SPTBN4: variants seen among roughly 807,000 people sequenced by gnomAD.
SPTBN4 encodes the protein spectrin beta, non-erythrocytic 4, also known as spectrin beta chain, non-erythrocytic 4.
Under a neutral mutation model 277.8 loss-of-function variants are expected in SPTBN4, and 96 were observed. The observed-to-expected ratio is 0.35, with a 90% CI of 0.29 to 0.41. The LOEUF is 0.41. Ranked by LOEUF, SPTBN4 falls within the 10% of genes least tolerant of loss-of-function variation. SPTBN4 has a pLI of 1.00. For synonymous variants in SPTBN4, 1,481 were observed against 1,580.3 expected (o/e 0.94, Z 1.49); for missense variants, 3,006 against 3,595.7 (o/e 0.84, Z 4.19).
intron 20 of SPTBN4, among the ~76,000 whole-genome samples, chr19:40,536,189 C>A (rs1175228749): frequency 1.3e-5 from 2 of 151,832 alleles, no homozygotes; most frequent in Non-Finnish European, 2.9e-5. Flanking sequence ...CTTCCCCTCT[C>A]TTTTCTTTTC....
rs756100574 is a variant in SPTBN4, at chr19:40,572,229, G to A, written c.7493+37G>A. ...AATGGGCAGGAGGGAGGGATCCAAG[G>A]CTCAGCTTCAACTCCCAGTGGGACC... On this transcript the variant is annotated intron_variant, in intron 34 of 35. Transcript: ENST00000598249. 6.9e-6 allele frequency: 11 copies of A among 1,596,988 alleles called. No homozygotes were observed. In the South Asian group the frequency reaches 1.1e-4, roughly 16 times the overall value.
intron 2 of SPTBN4, 80 bp from the exon 3 acceptor site, chr19:40,487,617 T>C: frequency 6.6e-7 from 1 of 1,518,788 alleles, no homozygotes; most frequent in Non-Finnish European, 8.8e-7. Flanking sequence ...TGCAGAGAGC[T>C]GGGTCTGAGC....
At chr19:40,513,694 A>C (rs1568795706) in intron 14 of SPTBN4, 140 bp downstream of exon 14, 2 of 925,350 alleles carry the variant, frequency 2.2e-6, no homozygotes, top group Admixed American at 6.2e-5. Flanking sequence ...GCTTTGTGAC[A>C]GTTCTGCAAC....
intron 27 of SPTBN4, among the ~76,000 whole-genome samples, chr19:40,565,216 G>T (rs2081079113): frequency 6.6e-6 from 1 of 150,998 alleles, no homozygotes; most frequent in Non-Finnish European, 1.5e-5. Flanking sequence ...AGTGAGCCGA[G>T]ATCGCCCCAC....
chr19:40,472,752 C>T lies in SPTBN4; in HGVS notation c.131C>T (p.Ala44Val). ...CAGCCGGCTGCGTCCACCGCAGCGG[C>T]CTCGCTCTTTGAGTGCTCCCGGATC... Reference protein sequence around the residue: ...REQPAASTAAASLFECSRIKA... With the variant: ...REQPAASTAAVSLFECSRIKA... The change falls in exon 2 of 36, where the codon GCC (alanine) becomes GTC (valine). Residue 44 changes from alanine to valine, a missense_variant. Around this residue, in one of 5 missense-constraint regions of SPTBN4, gnomAD observed 78 missense variants for 65.7 expected, o/e 1.19. Coordinates refer to ENST00000598249, the MANE Select transcript of SPTBN4 (RefSeq NM_020971.3). 16 of 1,600,278 alleles carry T rather than the reference C, an allele frequency of 1.0e-5. No individual in the cohort carries two copies. Among genetic ancestry groups the T allele is most frequent in the Non-Finnish European group, 1.4e-5 (16 of 1,172,918 alleles).
intron 14 of SPTBN4, 31 bp downstream of exon 14, chr19:40,513,585 C>G (rs2080420758): frequency 6.7e-7 from 1 of 1,499,840 alleles, no homozygotes; most frequent in Non-Finnish European, 8.9e-7. Context: ...CTCCGGGGTC[C>G]CCTTCCTCAT....
chr19:40,478,692 C>G (rs1482740798), intron 2 of SPTBN4, among the ~76,000 whole-genome samples: 1 of 152,054 alleles, frequency 6.6e-6, no homozygotes, highest in Non-Finnish European at 1.5e-5. Flanking sequence ...ATTACAGGCG[C>G]CCGTCACCAC....
chr19:40,563,211 T>TA (rs112765242), intron 27 of SPTBN4, among the ~76,000 whole-genome samples: 5 of 151,706 alleles, frequency 3.3e-5, no homozygotes, highest in African/African-American at 9.7e-5. Context: ...GATTCTGTCT[T>TA]AAAAAAAAAT....
At chr19:40,489,600 C>A (rs542571092) in intron 3 of SPTBN4, among the ~76,000 whole-genome samples, 1 of 152,300 alleles carries the variant, frequency 6.6e-6, no homozygotes, top group South Asian at 2.1e-4. Flanking sequence ...GTTGGTCAGG[C>A]TGGTCTCGAA....
chr19:40,571,927 G>C, intron 33 of SPTBN4, 92 bp from the exon 34 acceptor site: 5 of 1,408,404 alleles, frequency 3.6e-6, no homozygotes, highest in Non-Finnish European at 4.7e-6. Context: ...GAGGTAGGAA[G>C]GCTCAGACAT....
In SPTBN4 at chr19:40,567,920, C is replaced by A; in HGVS notation, c.6594C>A (p.Ile2198=). ...CGCGCATTGACCGGCTGCCGGAGATCCCGGGGAGGGTGGAGCCCGCGGCCC... is the reference window on the plus strand; with the variant it reads ...CGCGCATTGACCGGCTGCCGGAGATACCGGGGAGGGTGGAGCCCGCGGCCC... The part of the protein sequence containing the change: ...LQPRIDRLPE[I]PGRVEPAALP... Residue 2198 remains isoleucine (I), a synonymous_variant, in exon 31 of 36, where the codon ATC becomes ATA. Coordinates refer to ENST00000598249, the MANE Select transcript of SPTBN4 (RefSeq NM_020971.3). 1 of 1,521,798 alleles carries A rather than the reference C, an allele frequency of 6.6e-7. No individual in the cohort carries two copies. Among genetic ancestry groups the A allele is most frequent in the East Asian group, 2.7e-5 (1 of 37,500 alleles). 94.3% of individuals were successfully genotyped at this position (1,521,798 alleles called of 1,614,324 possible).
At chr19:40,534,586 G>T in intron 20 of SPTBN4, 1 of 532,674 alleles carries the variant, frequency 1.9e-6, no homozygotes. Context: ...CAAAGCAGTA[G>T]GTAAATGACT....
chr19:40,497,792 G>A (rs1001440517), intron 7 of SPTBN4, among the ~76,000 whole-genome samples, 188 bp downstream of exon 7: 5 of 150,952 alleles, frequency 3.3e-5, no homozygotes, highest in Non-Finnish European at 7.4e-5. Context: ...CCTCATGTGC[G>A]ATCCCTCCCA....
At chr19:40,497,241 G>C (rs2080209633) in intron 6 of SPTBN4, among the ~76,000 whole-genome samples, 1 of 152,160 alleles carries the variant, frequency 6.6e-6, no homozygotes, top group South Asian at 2.1e-4. Context: ...TCGTCTGTGT[G>C]CACAGGCCGG....
At chr19:40,491,835 A>C (rs974001101) in intron 4 of SPTBN4, among the ~76,000 whole-genome samples, 1 of 151,244 alleles carries the variant, frequency 6.6e-6, no homozygotes, top group African/African-American at 2.4e-5. Flanking sequence ...CAAGCCTGAC[A>C]AACATGGAGA....
chr19:40,563,788 C>T (rs1489960119), intron 27 of SPTBN4, among the ~76,000 whole-genome samples: 1 of 116,142 alleles, frequency 8.6e-6, no homozygotes, highest in Non-Finnish European at 1.7e-5. Context: ...CCTGTAATCT[C>T]GGCTGAGATT....
intron 18 of SPTBN4, among the ~76,000 whole-genome samples, chr19:40,531,464 GTTTTTTTTTT>G (rs71173645): frequency 8.1e-4 from 33 of 40,904 alleles, no homozygotes; most frequent in African/African-American, 1.6e-3. Flanking sequence ...TCCAGTGTTT[GTTTTTTTTTT>G]TTTTTTTTTT....
rs774614325 is a variant in SPTBN4, at chr19:40,560,568, C to A, written c.5915+165C>A. The stretch of plus-strand genomic sequence containing the variant: ...CTAGGTGCTTCGTGTGTATTCAGAC[C>A]CCTTTTTTAGGCCTGTCATTGGGGA... On this transcript the variant is annotated intron_variant, in intron 27 of 35. Transcript: ENST00000598249. The surrounding 1 kb of genome is among the most constrained non-coding windows in gnomAD (Gnocchi z 5.2). 3 of 1,496,218 alleles carry A rather than the reference C, an allele frequency of 2.0e-6. No individual in the cohort carries two copies. The highest frequency in any genetic ancestry group is 2.7e-5 in the South Asian group (2 of 74,598). The allele number at this position is 1,496,218 out of a possible 1,614,324, so 92.7% of individuals were successfully genotyped here. A position where few individuals can be genotyped will look rare whatever the true frequency, so the allele number is the denominator to read the frequency against.
intron 31 of SPTBN4, among the ~76,000 whole-genome samples, chr19:40,569,197 G>A (rs1347181007): frequency 6.6e-6 from 1 of 151,998 alleles, no homozygotes; most frequent in Non-Finnish European, 1.5e-5. Context: ...AGGTTGAGGC[G>A]GGCAGATCAC....
Sources: allele counts gnomAD v4.1 joint callset (sites outside exome capture counted in the v4.1 genomes callset), GRCh38; gene constraint gnomAD v4.1.1; regional missense constraint gnomAD v4.1.1; non-coding constraint Gnocchi (gnomAD v3.1); transcripts MANE v1.5; gene names NCBI Gene and HGNC (gene_info 2026-07-23, HGNC 2026-07-21).